The following ZNF761 variants were observed in gnomAD, a reference collection of about 807,000 sequenced individuals.
The protein encoded by ZNF761 is zinc finger protein 761.
ZNF761 carries 43 observed loss-of-function variants against 59.9 expected under a neutral mutation model. That is an observed-to-expected ratio of 0.72 (90% CI 0.56 to 0.92). The LOEUF (loss-of-function observed/expected upper bound fraction) is 0.92, where lower values mean the gene tolerates loss of function less well. Ranked by LOEUF, ZNF761 falls within the 40% of genes least tolerant of loss-of-function variation. The probability of loss-of-function intolerance (pLI) is 0.00; values close to 1 mark genes in which losing one functional copy is unlikely to be tolerated. For synonymous variants in ZNF761, 294 were observed against 304.8 expected (o/e 0.96, Z 0.37); for missense variants, 850 against 906.1 (o/e 0.94, Z 0.79).
chr19:53,435,831 G>A (rs1425268523), intron 1 of ZNF761, among the ~76,000 whole-genome samples: 1 of 152,084 alleles, frequency 6.6e-6, no homozygotes, highest in Non-Finnish European at 1.5e-5. Flanking sequence ...AGGAGGTTGA[G>A]CACAACGACA....
chr19:53,436,328 T>C (rs978640228), intron 1 of ZNF761, among the ~76,000 whole-genome samples: 4 of 152,246 alleles, frequency 2.6e-5, no homozygotes. Flanking sequence ...GCATTCTTTC[T>C]TGTATTCAGT....
chr19:53,450,026 C>G, intron 4 of ZNF761: 2 of 442,566 alleles, frequency 4.5e-6, no homozygotes, highest in Non-Finnish European at 7.9e-6. Flanking sequence ...TATGTGTGGC[C>G]GGGCTTGGTG....
rs1459405672 is a variant in ZNF761, at chr19:53,455,895, A to T, written c.1388A>T (p.Glu463Val). Reference sequence around the variant, plus strand: ...TGCCATCGTAGACGTCATACTGGAGAGCAACCTTACAAATGTGAAGAATGT... The same window carrying T: ...TGCCATCGTAGACGTCATACTGGAGTGCAACCTTACAAATGTGAAGAATGT... ...LTCHRRRHTGEQPYKCEECDK... is the reference protein window; with the variant it reads ...LTCHRRRHTGVQPYKCEECDK... The change falls in exon 5 of 5, where the codon GAG becomes GTG. Residue 463 changes from glutamate to valine, a missense_variant. Physicochemically the swap from Glu to Val is moderately radical, Grantham distance 121 (BLOSUM62 -2). Coordinates refer to ENST00000684525, the MANE Select transcript of ZNF761 (RefSeq NM_001289951.2). 6.2e-7 allele frequency: 1 copy of T among 1,613,986 alleles called. No homozygotes were observed. The highest frequency in any genetic ancestry group is 1.1e-5 in the South Asian group (1 of 91,064).
At position 53,452,111 on chromosome 19, in the gene ZNF761, TG is replaced by T. The variant is rs879582145; in HGVS notation, c.142+2474del. ...TACCTCTAATCCCAACAGTTTCGGATGCCAAGGTGGGCTGATCACTTGAAAT... is the reference window on the plus strand; with the variant it reads ...TACCTCTAATCCCAACAGTTTCGGATCCAAGGTGGGCTGATCACTTGAAAT... On this transcript the variant is annotated intron_variant, in intron 4 of 4. Transcript: ENST00000684525. Among the ~76,000 whole-genome samples, 479 of 152,220 alleles carry T rather than the reference TG, an allele frequency of 3.1e-3. 2 individuals carry two copies. The highest frequency in any genetic ancestry group is 6.8e-3 in the Middle Eastern group (2 of 294).
chr19:53,458,032 A>G lies in ZNF761; in HGVS notation c.*1284A>G, dbSNP rs1278982437. 6.6e-6 allele frequency: 1 copy of G among 152,476 alleles called. No homozygotes were observed. Among genetic ancestry groups the G allele is most frequent in the Non-Finnish European group, 1.5e-5 (1 of 68,222 alleles). The allele number at this position is 152,476 out of a possible 1,614,324, so 9.4% of individuals were successfully genotyped here. On this transcript the variant is annotated 3_prime_UTR_variant, in exon 5 of 5. Coordinates refer to ENST00000684525, the MANE Select transcript of ZNF761 (RefSeq NM_001289951.2). ...TCTGACCTTTGTACGTTTATTTCTA[A>G]GTATTTCTTTAAGTTCTCCAGCAAA...
intron 4 of ZNF761, chr19:53,450,045 C>G: frequency 2.4e-6 from 1 of 408,508 alleles, no homozygotes; most frequent in East Asian, 3.7e-5. Context: ...TGGCTCACGC[C>G]TGTAATCCCA....
At chr19:53,437,434 G>C (rs11879506) in intron 1 of ZNF761, among the ~76,000 whole-genome samples, 7,762 of 152,168 alleles carry the variant, frequency 0.051, 280 homozygotes, top group African/African-American at 0.1. Context: ...GGAATGGCTA[G>C]TCTCCTATAG....
Position 53,455,851 on chromosome 19 carries a change from C to G in ZNF761, c.1344C>G (p.Ser448Arg), listed in dbSNP as rs768197464. Residue 448 changes from serine (S) to arginine (R), a missense_variant, in exon 5 of 5, where the codon AGC (serine) becomes AGG (arginine). Transcript: ENST00000684525. ...YKCNECGKTF[S>R]RTSSLTCHRR... The stretch of plus-strand genomic sequence containing the variant: ...GTAATGAGTGTGGAAAGACCTTTAG[C>G]CGGACATCATCCCTTACATGCCATC... 6.2e-6 allele frequency: 10 copies of G among 1,611,434 alleles called. No homozygotes were observed. The highest frequency in any genetic ancestry group is 8.5e-6 in the Non-Finnish European group (10 of 1,179,262).
rs1288319763 is a variant in ZNF761, at chr19:53,444,777, G to C, written c.-184-1450G>C. 2.6e-5 allele frequency: 4 copies of C among 152,316 alleles called. No homozygotes were observed. In the East Asian group the frequency reaches 7.7e-4, roughly 29 times the overall value. The allele number at this position is 152,316 out of a possible 1,614,324, so 9.4% of individuals were successfully genotyped here. ...CCCCCCTTCAGGGTTTTATGCCTTGGGCTTAGGTTGTAATTTGGCAGGGCA... is the reference window on the plus strand; with the variant it reads ...CCCCCCTTCAGGGTTTTATGCCTTGCGCTTAGGTTGTAATTTGGCAGGGCA... On this transcript the variant is annotated intron_variant, in intron 1 of 4. Transcript: ENST00000684525.
chr19:53,453,750 C>T (rs961676631), intron 4 of ZNF761, among the ~76,000 whole-genome samples: 13 of 152,048 alleles, frequency 8.5e-5, no homozygotes, highest in African/African-American at 3.1e-4. Flanking sequence ...GTGGTGTGTG[C>T]CTGTAATCCC....
In ZNF761 at chr19:53,455,825, T is replaced by A. The variant is rs1368190335; in HGVS notation, c.1318T>A (p.Cys440Ser). 1 of 1,613,644 alleles carries A rather than the reference T, an allele frequency of 6.2e-7. No individual in the cohort carries two copies. The highest frequency in any genetic ancestry group is 8.5e-7 in the Non-Finnish European group (1 of 1,179,988). Residue 440 changes from cysteine (C) to serine (S), a missense_variant, in exon 5 of 5, where the codon TGT becomes AGT. Transcript: ENST00000684525. The part of the protein sequence containing the change: ...KIHTEDNAYK[C>S]NECGKTFSRT... ...TCATACTGAAGACAATGCTTACAAG[T>A]GTAATGAGTGTGGAAAGACCTTTAG...
chr19:53,436,904 G>A (rs12986026), intron 1 of ZNF761, among the ~76,000 whole-genome samples: 45,860 of 152,106 alleles, frequency 0.3, 7,951 homozygotes, highest in South Asian at 0.54. Context: ...CACAAGGCAC[G>A]GCTCCTACTT....
At chr19:53,435,751 G>A (rs1421833182) in intron 1 of ZNF761, among the ~76,000 whole-genome samples, 3 of 151,832 alleles carry the variant, frequency 2.0e-5, no homozygotes, top group Non-Finnish European at 4.4e-5. Context: ...GGTTAAGGGG[G>A]GTGACAACAG....
At chr19:53,447,876 T>C (rs990105259) in intron 3 of ZNF761, among the ~76,000 whole-genome samples, 3 of 152,224 alleles carry the variant, frequency 2.0e-5, no homozygotes, top group African/African-American at 7.2e-5. Flanking sequence ...ACCTGAACAA[T>C]AGCAGGAGAT....
At chr19:53,433,227 G>A (rs1447914927) in intron 1 of ZNF761, among the ~76,000 whole-genome samples, 1 of 152,086 alleles carries the variant, frequency 6.6e-6, no homozygotes, top group Non-Finnish European at 1.5e-5. Flanking sequence ...AAGACGGAGT[G>A]GGGTTTTTTG....
At position 53,455,213 on chromosome 19, in the gene ZNF761, A is replaced by T. The variant is rs2086255643; in HGVS notation, c.706A>T (p.Ile236Phe). 1.1e-5 allele frequency: 18 copies of T among 1,614,218 alleles called. No individual in the cohort carries two copies. Among genetic ancestry groups the T allele is most frequent in the Non-Finnish European group, 1.4e-5 (17 of 1,180,042 alleles). Reference sequence around the variant, plus strand: ...CTCACTCTTAAGGAAACATCAGATAATCCATTTAGCAGACAAATATAAATG... The same window carrying T: ...CTCACTCTTAAGGAAACATCAGATATTCCATTTAGCAGACAAATATAAATG... ...YSSLLRKHQI[I>F]HLADKYKCDV... The change falls in exon 5 of 5, where the codon ATC becomes TTC. Residue 236 changes from isoleucine (I) to phenylalanine (F), a missense_variant. Physicochemically the swap from Ile to Phe is conservative, Grantham distance 21. Transcript: ENST00000684525.
At position 53,440,570 on chromosome 19, in the gene ZNF761, T is replaced by C. The variant is rs141428809; in HGVS notation, c.-184-5657T>C. On this transcript the variant is annotated intron_variant, in intron 1 of 4. Coordinates refer to ENST00000684525, the MANE Select transcript of ZNF761 (RefSeq NM_001289951.2). ...TATTCAGCCAGAGGGCAGTGACTTATTCAGTTGTGAATTACTCTGTTCCCT... is the reference window on the plus strand; with the variant it reads ...TATTCAGCCAGAGGGCAGTGACTTACTCAGTTGTGAATTACTCTGTTCCCT... Among the ~76,000 whole-genome samples, 1,346 of 152,314 alleles carry C rather than the reference T, an allele frequency of 8.8e-3. 8 individuals are homozygous for C. The highest frequency in any genetic ancestry group is 0.027 in the Middle Eastern group (8 of 294).
chr19:53,452,810 C>T (rs551044535), intron 4 of ZNF761, among the ~76,000 whole-genome samples: 1 of 152,070 alleles, frequency 6.6e-6, no homozygotes, highest in Non-Finnish European at 1.5e-5. Context: ...GTAGTCAACA[C>T]CCGTGACCAA....
intron 1 of ZNF761, among the ~76,000 whole-genome samples, chr19:53,438,306 C>T (rs549342145): frequency 6.6e-6 from 1 of 152,216 alleles, no homozygotes; most frequent in Non-Finnish European, 1.5e-5. Flanking sequence ...AATTTGCTAG[C>T]TTCTTGTGTT....
Sources: gnomAD v4.1 joint callset for allele counts (sites outside exome capture counted in the v4.1 genomes callset) on GRCh38, gnomAD v4.1.1 for gene constraint, MANE v1.5 for transcripts, NCBI Gene and HGNC (gene_info 2026-07-23, HGNC 2026-07-21) for gene names.